The following ERAP1 variants were observed in gnomAD, a reference collection of about 807,000 sequenced individuals.
ERAP1 encodes adipocyte-derived leucine aminopeptidase.
ERAP1 carries 86 observed loss-of-function variants against 103.7 expected under a neutral mutation model. That is an observed-to-expected ratio of 0.83 (90% CI 0.70 to 0.99). The LOEUF is 0.99. ERAP1 is among the 50% of genes least tolerant of loss of function. ERAP1 has a pLI of 0.00. For synonymous variants in ERAP1, 398 were observed against 402.4 expected (o/e 0.99, Z 0.13); for missense variants, 1,009 against 1,128.4 (o/e 0.89, Z 1.52).
the ERAP1 span, among the ~76,000 whole-genome samples, chr5:96,829,181 A>C: frequency 6.6e-6 from 1 of 152,334 alleles, no homozygotes; most frequent in East Asian, 1.9e-4. Flanking sequence ...TAAACTGTGC[A>C]GTCCCCTAGG....
chr5:96,785,828 C>T lies in ERAP1; in HGVS notation c.1903G>A (p.Asp635Asn). The T allele has an allele frequency of 6.2e-7, 1 of 1,614,182 alleles. No homozygotes were observed. The highest frequency in any genetic ancestry group is 8.5e-7 in the Non-Finnish European group (1 of 1,180,030). Residue 635 changes from aspartate (D) to asparagine (N), a missense_variant, in exon 13 of 19, where the codon GAT becomes AAT. By Grantham distance (23) the Asp-to-Asn change is conservative. Transcript: ENST00000443439. Reference sequence around the variant, plus strand: ...GCATTGTTAATGAGACTCGCCCGATCATTACTGCTGACTGCTGTGTGTGTT... The same window carrying T: ...GCATTGTTAATGAGACTCGCCCGATTATTACTGCTGACTGCTGTGTGTGTT... Reference protein sequence around the residue: ...KGTHTAVSSNDRASLINNAFQ... With the variant: ...KGTHTAVSSNNRASLINNAFQ...
intron 7 of ERAP1, among the ~76,000 whole-genome samples, chr5:96,792,855 GATAAAAAAATTT>G (rs1776891503): frequency 1.3e-5 from 2 of 152,220 alleles, no homozygotes; most frequent in African/African-American, 4.8e-5. Context: ...ATTGGAGTAG[GATAAAAAAATTT>G]TTACATAAGT....
At chr5:96,891,820 T>A in the ERAP1 span, among the ~76,000 whole-genome samples, 1 of 152,276 alleles carries the variant, frequency 6.6e-6, no homozygotes. Flanking sequence ...ACTATAGAGA[T>A]GGCTCCTAAG....
Position 96,781,838 on chromosome 5 carries a change from T to G in ERAP1, c.2302A>C (p.Thr768Pro). 1 of 1,613,954 alleles carries G rather than the reference T, an allele frequency of 6.2e-7. No homozygotes were observed. Among genetic ancestry groups the G allele is most frequent in the Non-Finnish European group, 8.5e-7 (1 of 1,179,982 alleles). ...GCCCCCACAGCAAACACTGCCAAGG[T>G]CACGTCGACAGGCAGGCTATAGAAA... ...NGNLSLPVDV[T>P]LAVFAVGAQS... The change falls in exon 16 of 19, where the codon ACC becomes CCC. Residue 768 changes from threonine to proline, a missense_variant. By Grantham distance (38) the Thr-to-Pro change is conservative (BLOSUM62 -1). Transcript: ENST00000443439.
chr5:96,768,046 ATG>A, intron 19 of ERAP1: 2 of 1,148,544 alleles, frequency 1.7e-6, no homozygotes, highest in Non-Finnish European at 2.6e-6. Context: ...GTGTGTGTGT[ATG>A]TGTACATACA....
the ERAP1 span, among the ~76,000 whole-genome samples, chr5:96,842,735 C>T: frequency 3.3e-5 from 5 of 152,152 alleles, no homozygotes; most frequent in East Asian, 9.6e-4. Context: ...GGTTGTCTGT[C>T]TACTCTGCTG....
upstream of ERAP1, among the ~76,000 whole-genome samples, chr5:96,813,060 T>G (rs1424416672): frequency 6.6e-6 from 1 of 152,192 alleles, no homozygotes; most frequent in Non-Finnish European, 1.5e-5. Context: ...GAAAGAGACA[T>G]TATCTTACCC....
downstream of ERAP1, chr5:96,770,397 A>C: frequency 4.9e-6 from 3 of 608,594 alleles, no homozygotes; most frequent in Non-Finnish European, 8.9e-6. Context: ...AAATCATGAA[A>C]AAACACCCAA....
chr5:96,909,102 C>G, the ERAP1 span: 1 of 1,613,924 alleles, frequency 6.2e-7, no homozygotes, highest in Non-Finnish European at 8.5e-7. Context: ...TTTCAGATAT[C>G]TCTGAAAACC....
At chr5:96,897,217 T>C in the ERAP1 span, among the ~76,000 whole-genome samples, 5 of 152,218 alleles carry the variant, frequency 3.3e-5, no homozygotes, top group Non-Finnish European at 7.3e-5. Context: ...TATTCCCCAA[T>C]GTGTATATAT....
chr5:96,772,438 A>G (rs1772768256), downstream of ERAP1: 1 of 152,570 alleles, frequency 6.6e-6, no homozygotes, highest in Non-Finnish European at 1.5e-5. Context: ...TCCTAGGAAA[A>G]AAGGAGCTAT....
At chr5:96,877,034 G>C in the ERAP1 span, among the ~76,000 whole-genome samples, 1 of 152,320 alleles carries the variant, frequency 6.6e-6, no homozygotes, top group East Asian at 1.9e-4. Flanking sequence ...GAGTGCAGCA[G>C]CACGATCTCG....
chr5:96,801,092 A>T, intron 2 of ERAP1, 92 bp from the exon 3 acceptor site: 1 of 1,397,536 alleles, frequency 7.2e-7, no homozygotes, highest in Non-Finnish European at 9.9e-7. Context: ...AGTTACTATA[A>T]GATTGATGGA....
chr5:96,929,973 A>C, the ERAP1 span, among the ~76,000 whole-genome samples: 1 of 152,150 alleles, frequency 6.6e-6, no homozygotes. Flanking sequence ...GTAAACTAAA[A>C]ATAAAATTCT....
intron 19 of ERAP1, among the ~76,000 whole-genome samples, chr5:96,764,932 C>T (rs1489850919): frequency 6.6e-6 from 1 of 152,108 alleles, no homozygotes; most frequent in African/African-American, 2.4e-5. Context: ...CTGAGGCTGC[C>T]ACTAAGACCT....
chr5:96,883,225 G>A, the ERAP1 span, among the ~76,000 whole-genome samples: 11 of 152,112 alleles, frequency 7.2e-5, no homozygotes, highest in Admixed American at 2.0e-4. Context: ...CTGATGCTGG[G>A]ACTTTGCCTG....
chr5:96,819,925 T>C, the ERAP1 span, among the ~76,000 whole-genome samples: 4 of 152,236 alleles, frequency 2.6e-5, no homozygotes, highest in South Asian at 4.1e-4. Context: ...CCTGAAGGTC[T>C]AGCACTTGGG....
chr5:96,843,973 TG>T, the ERAP1 span, among the ~76,000 whole-genome samples: 5 of 152,348 alleles, frequency 3.3e-5, no homozygotes, highest in South Asian at 1.0e-3. Flanking sequence ...TATCTCCATG[TG>T]TTGATTCATG....
chr5:96,842,362 C>T, the ERAP1 span, among the ~76,000 whole-genome samples: 22 of 152,186 alleles, frequency 1.4e-4, 1 homozygote, highest in African/African-American at 5.3e-4. Context: ...GGAATCTCCA[C>T]ACTGTTTTCC....
Sources: allele counts gnomAD v4.1 joint callset (sites outside exome capture counted in the v4.1 genomes callset), GRCh38; gene constraint gnomAD v4.1.1; transcripts MANE v1.5; gene names NCBI Gene and HGNC (gene_info 2026-07-23, HGNC 2026-07-21).